The following RNF180 variants were observed in gnomAD, a reference collection of about 807,000 sequenced individuals.
RNF180 encodes the protein E3 ubiquitin-protein ligase RNF180.
In RNF180, 38 loss-of-function variants were observed where a neutral mutation model predicts 59.2. That is an observed-to-expected ratio of 0.64 (90% CI 0.50 to 0.84). The LOEUF is 0.84. RNF180 is among the 40% of genes least tolerant of loss of function. RNF180 has a pLI of 0.00. For synonymous variants in RNF180, 262 were observed against 240.3 expected (o/e 1.09, Z -0.84); for missense variants, 705 against 700.9 (o/e 1.01, Z -0.07).
At chr5:64,174,726 A>G (rs897639674) in intron 1 of RNF180, among the ~76,000 whole-genome samples, 2 of 152,058 alleles carry the variant, frequency 1.3e-5, no homozygotes, top group African/African-American at 4.8e-5. Context: ...TAGTTTGCGA[A>G]TATTTTTCCC....
chr5:64,342,889 G>A (rs955698213), intron 7 of RNF180, among the ~76,000 whole-genome samples: 26 of 152,260 alleles, frequency 1.7e-4, no homozygotes, highest in East Asian at 3.9e-4. Context: ...TAAACACAGC[G>A]TAGGTCATGT....
chr5:64,345,252 A>G (rs943980416), intron 7 of RNF180, among the ~76,000 whole-genome samples: 3 of 152,162 alleles, frequency 2.0e-5, no homozygotes, highest in Non-Finnish European at 4.4e-5. Flanking sequence ...CCTTTGGCTT[A>G]CTTATATATG....
intron 5 of RNF180, among the ~76,000 whole-genome samples, chr5:64,269,564 A>G (rs1744888303): frequency 6.6e-6 from 1 of 152,132 alleles, no homozygotes; most frequent in South Asian, 2.1e-4. Flanking sequence ...AGAAGTGGAA[A>G]TGATTTTCAA....
At chr5:64,284,464 G>A (rs923243286) in intron 5 of RNF180, among the ~76,000 whole-genome samples, 5 of 152,160 alleles carry the variant, frequency 3.3e-5, no homozygotes, top group Non-Finnish European at 5.9e-5. Context: ...GTTGCTTGAT[G>A]TCTCCATTTC....
chr5:64,214,144 C>G lies in RNF180; in HGVS notation c.818C>G (p.Ser273Cys). The G allele has an allele frequency of 1.2e-6, 2 of 1,614,088 alleles. No homozygotes were observed. The highest frequency in any genetic ancestry group is 1.7e-6 in the Non-Finnish European group (2 of 1,179,994). ...GACCTTTCAGGCTTGCCTTTACAAT[C>G]TAGTAAAAATAGCTATTCCTTTCAG... is the stretch of plus-strand genomic sequence containing the variant. ...PIDLSGLPLQ[S>C]SKNSYSFQNP... The change falls in exon 4 of 8, where the codon TCT becomes TGT. Residue 273 changes from serine (S) to cysteine (C), a missense_variant. Transcript: ENST00000389100.
intron 5 of RNF180, among the ~76,000 whole-genome samples, chr5:64,226,547 C>T (rs1741770856): frequency 1.3e-5 from 2 of 152,146 alleles, no homozygotes; most frequent in African/African-American, 4.8e-5. Flanking sequence ...GGACCTCTGC[C>T]TAGGAAAACC....
At chr5:64,344,796 T>C (rs1216108606) in intron 7 of RNF180, among the ~76,000 whole-genome samples, 2 of 151,894 alleles carry the variant, frequency 1.3e-5, no homozygotes, top group South Asian at 2.1e-4. Flanking sequence ...TAAATAATAG[T>C]AACCTGTCAT....
chr5:64,206,290 C>A (rs753770861), intron 2 of RNF180, among the ~76,000 whole-genome samples: 1 of 152,164 alleles, frequency 6.6e-6, no homozygotes, highest in Non-Finnish European at 1.5e-5. Context: ...CAAACACTTA[C>A]AATAAAACAC....
intron 2 of RNF180, among the ~76,000 whole-genome samples, chr5:64,205,167 T>TG (rs1405319632): frequency 6.6e-5 from 10 of 152,286 alleles, no homozygotes; most frequent in Non-Finnish European, 1.2e-4. Flanking sequence ...ACAGTACAAA[T>TG]GCAGCCATCA....
At chr5:64,346,837 C>G (rs1352309804) in intron 7 of RNF180, among the ~76,000 whole-genome samples, 1 of 152,150 alleles carries the variant, frequency 6.6e-6, no homozygotes, top group African/African-American at 2.4e-5. Context: ...TATGATTACA[C>G]TGCTCTAAAA....
intron 2 of RNF180, among the ~76,000 whole-genome samples, chr5:64,207,323 G>A (rs1442415944): frequency 6.6e-6 from 1 of 152,118 alleles, no homozygotes; most frequent in Non-Finnish European, 1.5e-5. Flanking sequence ...TTCTGAGGAA[G>A]TGACCTGTGT....
intron 7 of RNF180, among the ~76,000 whole-genome samples, chr5:64,345,943 CATAAA>C (rs1227225595): frequency 3.3e-5 from 5 of 151,700 alleles, no homozygotes; most frequent in East Asian, 1.9e-4. Context: ...TTCAAAATGA[CATAAA>C]ATAACCAGCT....
intron 5 of RNF180, among the ~76,000 whole-genome samples, chr5:64,312,759 G>C (rs763353437): frequency 6.6e-6 from 1 of 152,114 alleles, no homozygotes; most frequent in Non-Finnish European, 1.5e-5. Flanking sequence ...TCCCTTAGAC[G>C]TGGTTGCATG....
rs369950947 is a variant in RNF180 at position 64,219,723 on chromosome 5, GT to G, written c.1227+2329del. On this transcript the variant is annotated intron_variant, in intron 5 of 7. Transcript: ENST00000389100. The stretch of plus-strand genomic sequence containing the variant: ...TTTAGTAGAGATGGGGTTTCACCAT[GT>G]TGGCCAGAATGGTCTCTATCTCCTG... 2.4e-4 allele frequency among the ~76,000 whole-genome samples: 37 copies of G among 151,606 alleles called. 1 individual carries two copies. The East Asian group carries it at 3.3e-3, about 14-fold the overall frequency.
chr5:64,336,713 C>G (rs1745140503), intron 7 of RNF180, among the ~76,000 whole-genome samples: 1 of 152,064 alleles, frequency 6.6e-6, no homozygotes, highest in East Asian at 1.9e-4. Context: ...TTTCAGATGC[C>G]TCTTTTGTAG....
At chr5:64,177,526 CATATATATATATATATAT>C (rs58046669) in intron 1 of RNF180, among the ~76,000 whole-genome samples, 1,351 of 105,238 alleles carry the variant, frequency 0.013, 30 homozygotes, top group African/African-American at 0.021. Context: ...TAAATTATGC[CATATATATATATATATAT>C]ATATATATAT....
intron 5 of RNF180, among the ~76,000 whole-genome samples, chr5:64,290,511 A>G (rs942057321): frequency 2.5e-4 from 38 of 152,342 alleles, no homozygotes; most frequent in African/African-American, 8.2e-4. Flanking sequence ...GTGGAAGTCT[A>G]AGTCCCTTTG....
intron 5 of RNF180, among the ~76,000 whole-genome samples, chr5:64,287,020 G>GT (rs1288164648): frequency 6.6e-6 from 1 of 152,192 alleles, no homozygotes; most frequent in African/African-American, 2.4e-5. Flanking sequence ...AGGCTAGAGT[G>GT]CAGTGGTGTG....
chr5:64,167,651 A>G (rs1749718241), intron 1 of RNF180, among the ~76,000 whole-genome samples: 1 of 152,218 alleles, frequency 6.6e-6, no homozygotes, highest in African/African-American at 2.4e-5. Flanking sequence ...ATATTTCTGT[A>G]ATATGACATA....
Sources: gnomAD v4.1 joint callset for allele counts (sites outside exome capture counted in the v4.1 genomes callset) on GRCh38, gnomAD v4.1.1 for gene constraint, MANE v1.5 for transcripts, NCBI Gene and HGNC (gene_info 2026-07-23, HGNC 2026-07-21) for gene names.